DDAH1: variants seen among roughly 807,000 people sequenced by gnomAD.
DDAH1 encodes the protein N(G),N(G)-dimethylarginine dimethylaminohydrolase 1.
A neutral mutation model predicts 28.8 loss-of-function variants in DDAH1; 19 were observed. The ratio of observed to expected loss-of-function variants is 0.66; its 90% CI spans 0.46 to 0.97. The LOEUF (loss-of-function observed/expected upper bound fraction) is 0.97. Ranked by LOEUF, DDAH1 falls within the 50% of genes least tolerant of loss-of-function variation. The pLI is 0.00. For missense variants in DDAH1, 326 were observed against 375.9 expected (o/e 0.87, Z 1.10); for synonymous variants, 153 against 154.4 (o/e 0.99, Z 0.07).
intron 1 of DDAH1, among the ~76,000 whole-genome samples, chr1:85,370,618 G>GT (rs1393167980): frequency 6.6e-6 from 1 of 152,184 alleles, no homozygotes; most frequent in African/African-American, 2.4e-5. Flanking sequence ...AGAAATGGTG[G>GT]TGAGCACAAG....
chr1:85,416,494 C>T (rs1652893633), intron 1 of DDAH1, among the ~76,000 whole-genome samples: 1 of 152,114 alleles, frequency 6.6e-6, no homozygotes, highest in African/African-American at 2.4e-5. Context: ...CATGCCCAGC[C>T]TACAAACAGT....
At chr1:85,401,580 A>G (rs1051148887) in intron 1 of DDAH1, among the ~76,000 whole-genome samples, 4 of 141,994 alleles carry the variant, frequency 2.8e-5, no homozygotes, top group Non-Finnish European at 6.0e-5. Context: ...GTTCACTGTC[A>G]CCTTGATCTC....
At chr1:85,545,780 G>T (rs1658603708) in intron 1 of DDAH1, among the ~76,000 whole-genome samples, 1 of 152,134 alleles carries the variant, frequency 6.6e-6, no homozygotes. Flanking sequence ...AGGAGGAGGA[G>T]ATGCAGAGGG....
At chr1:85,387,731 C>T (rs1292321289) in intron 1 of DDAH1, among the ~76,000 whole-genome samples, 7 of 152,102 alleles carry the variant, frequency 4.6e-5, no homozygotes, top group Admixed American at 1.3e-4. Flanking sequence ...TATTGCAATG[C>T]TCCACTCCTC....
At chr1:85,456,960 A>G (rs114049369) in intron 1 of DDAH1, among the ~76,000 whole-genome samples, 2,149 of 152,300 alleles carry the variant, frequency 0.014, 44 homozygotes, top group African/African-American at 0.049. Context: ...AGTGGGCTAC[A>G]TTGTTCCCAA....
intron 2 of DDAH1, among the ~76,000 whole-genome samples, chr1:85,486,976 A>G (rs1656228427): frequency 6.6e-6 from 1 of 152,228 alleles, no homozygotes; most frequent in Non-Finnish European, 1.5e-5. Flanking sequence ...ATAGATATTA[A>G]ACAGAAATAA....
intron 1 of DDAH1, among the ~76,000 whole-genome samples, chr1:85,555,084 T>A (rs1658922673): frequency 6.6e-6 from 1 of 152,238 alleles, no homozygotes; most frequent in African/African-American, 2.4e-5. Context: ...ATATCCTAAG[T>A]TCTTTGAGGG....
intron 2 of DDAH1, among the ~76,000 whole-genome samples, chr1:85,352,818 G>A (rs928914304): frequency 2.0e-5 from 3 of 151,606 alleles, no homozygotes; most frequent in Non-Finnish European, 2.9e-5. Flanking sequence ...ATGTCACTTC[G>A]CTTAAAAGTC....
intron 4 of DDAH1, among the ~76,000 whole-genome samples, chr1:85,348,076 T>G (rs1235019354): frequency 1.3e-5 from 2 of 152,196 alleles, no homozygotes; most frequent in Non-Finnish European, 2.9e-5. Context: ...ACGAATGCCT[T>G]TCTAGCTAGT....
intron 1 of DDAH1, among the ~76,000 whole-genome samples, chr1:85,563,380 G>C (rs1381801584): frequency 6.6e-6 from 1 of 152,212 alleles, no homozygotes; most frequent in African/African-American, 2.4e-5. Flanking sequence ...GGAATATTTT[G>C]TGTTCTCAGC....
intron 1 of DDAH1, among the ~76,000 whole-genome samples, chr1:85,456,358 T>C (rs1293075539): frequency 1.3e-5 from 2 of 152,250 alleles, no homozygotes; most frequent in Non-Finnish European, 2.9e-5. Flanking sequence ...GTCATTGACA[T>C]GGGTAATGTA....
intron 1 of DDAH1, among the ~76,000 whole-genome samples, chr1:85,507,527 T>TAAACAAATAAATAAACAAAC (rs1553143273): frequency 1.3e-5 from 2 of 149,364 alleles, no homozygotes; most frequent in Non-Finnish European, 3.0e-5. Context: ...AATAAATAAA[T>TAAACAAATAAATAAACAAAC]AAACAAACAA....
At chr1:85,374,175 C>A (rs1487112658) in intron 1 of DDAH1, among the ~76,000 whole-genome samples, 2 of 152,110 alleles carry the variant, frequency 1.3e-5, no homozygotes, top group Non-Finnish European at 2.9e-5. Flanking sequence ...GGGTTATCCA[C>A]CCCTGGTTCA....
intron 1 of DDAH1, among the ~76,000 whole-genome samples, chr1:85,400,250 G>A (rs895091029): frequency 5.7e-5 from 7 of 121,870 alleles, no homozygotes; most frequent in Non-Finnish European, 1.1e-4. Context: ...GAAGTACAGT[G>A]GTGCAATCTC....
chr1:85,324,616 CCTTT>C, intron 5 of DDAH1, 120 bp downstream of exon 5: 1 of 1,109,834 alleles, frequency 9.0e-7, no homozygotes. Flanking sequence ...ATTGTATTAT[CCTTT>C]CTTTTCTTAA....
intron 1 of DDAH1, among the ~76,000 whole-genome samples, chr1:85,531,566 C>T (rs1440042681): frequency 6.6e-6 from 1 of 151,286 alleles, no homozygotes; most frequent in African/African-American, 2.4e-5. Flanking sequence ...GAATATCTCT[C>T]ATGTGTATTA....
chr1:85,321,643 G>T, intron 5 of DDAH1, 75 bp from the exon 6 acceptor site: 1 of 1,120,572 alleles, frequency 8.9e-7, no homozygotes, highest in South Asian at 1.3e-5. Flanking sequence ...GAATCAATTT[G>T]ATTTGTACAT....
At chr1:85,353,950 T>C (rs1447901470) in intron 2 of DDAH1, among the ~76,000 whole-genome samples, 1 of 151,864 alleles carries the variant, frequency 6.6e-6, no homozygotes, top group Non-Finnish European at 1.5e-5. Flanking sequence ...TGAAAAAAAG[T>C]AAAAAAAGGC....
intron 1 of DDAH1, among the ~76,000 whole-genome samples, chr1:85,556,855 G>A (rs552517417): frequency 4.6e-5 from 7 of 152,300 alleles, no homozygotes; most frequent in African/African-American, 1.4e-4. Flanking sequence ...AGTGGCTCAC[G>A]CCTGTAATCC....
Sources: allele counts gnomAD v4.1 joint callset (sites outside exome capture counted in the v4.1 genomes callset), GRCh38; gene constraint gnomAD v4.1.1; transcripts MANE v1.5; gene names NCBI Gene and HGNC (gene_info 2026-07-23, HGNC 2026-07-21).